The following LLGL1 variants were observed in gnomAD, a reference collection of about 807,000 sequenced individuals.
The protein encoded by LLGL1 is lethal(2) giant larvae protein homolog 1.
LLGL1 carries 58 observed loss-of-function variants against 110.6 expected under a neutral mutation model. That is an observed-to-expected ratio of 0.52 (90% confidence interval 0.42 to 0.65). The LOEUF (loss-of-function observed/expected upper bound fraction) is 0.65. LLGL1 is among the 30% of genes least tolerant of loss of function. The probability of loss-of-function intolerance (pLI) is 0.00; values close to 1 mark genes in which losing one functional copy is unlikely to be tolerated. For synonymous variants in LLGL1, 674 were observed against 607.2 expected (o/e 1.11, Z -1.62); for missense variants, 1,229 against 1,462.1 (o/e 0.84, Z 2.60).
Position 18,238,573 on chromosome 17 carries a change from C to G in LLGL1, c.2170C>G (p.Arg724Gly). ...CGATGACTCCTTGTCGGGTGTCGTG[C>G]GTTGCCTATACTTTGCCGACACATT... is the stretch of plus-strand genomic sequence containing the variant. ...SADDSLSGVVRCLYFADTFLR... is the reference protein window; with the variant it reads ...SADDSLSGVVGCLYFADTFLR... Residue 724 changes from arginine to glycine, a missense_variant, in exon 16 of 23, where the codon CGT (arginine) becomes GGT (glycine). Coordinates refer to ENST00000316843, the MANE Select transcript of LLGL1 (RefSeq NM_004140.4). 6.2e-7 allele frequency: 1 copy of G among 1,612,904 alleles called. No homozygotes were observed. The highest frequency in any genetic ancestry group is 8.5e-7 in the Non-Finnish European group (1 of 1,180,004).
intron 7 of LLGL1, 29 bp from the exon 8 acceptor site, chr17:18,234,620 G>C: frequency 1.2e-6 from 2 of 1,613,260 alleles, no homozygotes; most frequent in Non-Finnish European, 1.7e-6. Context: ...CCACCAGTGA[G>C]TCTGGTCTGA....
intron 21 of LLGL1, 29 bp downstream of exon 21, chr17:18,242,657 G>C (rs2047869002): frequency 1.3e-6 from 2 of 1,586,928 alleles, no homozygotes; most frequent in Non-Finnish European, 1.7e-6. Context: ...TCCACAGGGG[G>C]GGCTGCCCTG....
At chr17:18,238,256 G>A (rs749837753) in intron 15 of LLGL1, 42 bp downstream of exon 15, 3 of 1,605,500 alleles carry the variant, frequency 1.9e-6, no homozygotes, top group Non-Finnish European at 2.5e-6. Flanking sequence ...CCTGTGTCCT[G>A]TGCCTTGGCC....
Position 18,237,600 on chromosome 17 carries a change from C to T in LLGL1, c.1731C>T (p.Arg577=). 6.2e-7 allele frequency: 1 copy of T among 1,610,960 alleles called. No homozygotes were observed. Among genetic ancestry groups the T allele is most frequent in the Non-Finnish European group, 8.5e-7 (1 of 1,179,732 alleles). The change falls in exon 14 of 23, where the codon CGC becomes CGT. Residue 577 remains arginine (R), a synonymous_variant. Coordinates refer to ENST00000316843, the MANE Select transcript of LLGL1 (RefSeq NM_004140.4). The part of the protein sequence containing the change: ...TWKGHERLSP[R]TGPLPWPAGF... Reference sequence around the variant, plus strand: ...AGGGCCACGAGCGGCTGAGCCCACGCACGGGGCCGCTGCCCTGGCCTGCTG... The same window carrying T: ...AGGGCCACGAGCGGCTGAGCCCACGTACGGGGCCGCTGCCCTGGCCTGCTG...
At chr17:18,235,366 A>G (rs2142627174) in intron 10 of LLGL1, 54 bp downstream of exon 10, 1 of 1,604,312 alleles carries the variant, frequency 6.2e-7, no homozygotes, top group Non-Finnish European at 8.5e-7. Context: ...GGAGGGGGAG[A>G]GTTTCAGTTC....
intron 17 of LLGL1, chr17:18,241,153 C>T (rs1379875035): frequency 1.0e-5 from 6 of 586,912 alleles, no homozygotes; most frequent in Non-Finnish European, 1.8e-5. Context: ...CCCCTGAGCC[C>T]AGTCCCCAGG....
chr17:18,235,427 T>G, intron 10 of LLGL1, 43 bp from the exon 11 acceptor site: 1 of 1,612,434 alleles, frequency 6.2e-7, no homozygotes. Flanking sequence ...GGAGAAGATG[T>G]TCGTCCTAAC....
rs761117478 is a variant in LLGL1 at position 18,233,784 on chromosome 17, G to A, written c.399G>A (p.Pro133=). 8.1e-6 allele frequency: 13 copies of A among 1,612,948 alleles called. No individual in the cohort carries two copies. The highest frequency in any genetic ancestry group is 4.0e-5 in the African/African-American group (3 of 74,886). The change falls in exon 5 of 23, where the codon CCG becomes CCA. Residue 133 remains proline (P), a synonymous_variant. Transcript: ENST00000316843. ...SRPGFDGASA[P]LSLTRVTVVL... ...TTCCCCTTGTTCCCTGCAGTGCTCC[G>A]CTCAGCCTTACCCGAGTCACAGTGG...
chr17:18,229,056 TAAC>T (rs1329094952), intron 1 of LLGL1, among the ~76,000 whole-genome samples: 3 of 152,004 alleles, frequency 2.0e-5, no homozygotes, highest in South Asian at 2.1e-4. Context: ...GAAAAATAAA[TAAC>T]AACAACAAGA....
intron 13 of LLGL1, 101 bp from the exon 14 acceptor site, chr17:18,237,380 C>A: frequency 8.3e-7 from 1 of 1,206,430 alleles, no homozygotes; most frequent in Non-Finnish European, 1.1e-6. Flanking sequence ...CTAGAACCAC[C>A]TTGGTGGTGG....
chr17:18,242,109 A>G, intron 19 of LLGL1, 57 bp from the exon 20 acceptor site: 12 of 1,547,666 alleles, frequency 7.8e-6, no homozygotes, highest in South Asian at 1.1e-5. Flanking sequence ...GCAAGGATCT[A>G]GCGTGCCAGC....
At chr17:18,239,133 A>C (rs1010335139) in intron 16 of LLGL1, among the ~76,000 whole-genome samples, 5 of 152,048 alleles carry the variant, frequency 3.3e-5, no homozygotes, top group African/African-American at 7.2e-5. Flanking sequence ...CTGAGCCAGG[A>C]GAAGGGAGGT....
chr17:18,231,743 CT>C (rs1466611661), intron 2 of LLGL1, among the ~76,000 whole-genome samples: 3 of 152,210 alleles, frequency 2.0e-5, no homozygotes, highest in Admixed American at 6.5e-5. Flanking sequence ...TCACTGCAAC[CT>C]TTGCCTCCCG....
At chr17:18,237,165 C>A in intron 13 of LLGL1, 1 of 598,390 alleles carries the variant, frequency 1.7e-6, no homozygotes, top group Non-Finnish European at 3.0e-6. Flanking sequence ...TGTGCTCCGG[C>A]ACTCACATGA....
chr17:18,231,244 C>T (rs1236017741), intron 2 of LLGL1, among the ~76,000 whole-genome samples: 1 of 152,184 alleles, frequency 6.6e-6, no homozygotes, highest in African/African-American at 2.4e-5. Context: ...CTGGAGAGGG[C>T]CAGCCCTGGT....
rs112333954 is a variant in LLGL1 at position 18,236,193 on chromosome 17, G to A, written c.1353-414G>A. On this transcript the variant is annotated intron_variant, in intron 11 of 22. Transcript: ENST00000316843. The stretch of plus-strand genomic sequence containing the variant: ...GTAGTCTTCCTGCTCCTCCACCTAC[G>A]TGGCTGCCTTGGGCCCCATGCAGCT... 810 of 188,514 alleles carry A rather than the reference G, an allele frequency of 4.3e-3. 10 individuals are homozygous for A. The highest frequency in any genetic ancestry group is 6.2e-3 in the Non-Finnish European group (564 of 91,350). 11.7% of individuals were successfully genotyped at this position (188,514 alleles called of 1,614,324 possible).
At chr17:18,236,549 G>A in intron 11 of LLGL1, 58 bp from the exon 12 acceptor site, 1 of 1,528,684 alleles carries the variant, frequency 6.5e-7, no homozygotes, top group Non-Finnish European at 8.9e-7. Flanking sequence ...TGAGTGAATG[G>A]AGGGGCGTGC....
At chr17:18,243,091 ATTTGTTTTGTTTTGT>A (rs144502873) in intron 22 of LLGL1, among the ~76,000 whole-genome samples, 115 of 151,318 alleles carry the variant, frequency 7.6e-4, no homozygotes, top group African/African-American at 2.6e-3. Context: ...ACAAGACCAG[ATTTGTTTTGTTTTGT>A]TTTGTTTTGT....
intron 18 of LLGL1, 78 bp downstream of exon 18, chr17:18,241,793 A>G (rs2047838896): frequency 6.2e-7 from 1 of 1,607,630 alleles, no homozygotes; most frequent in Non-Finnish European, 8.5e-7. Context: ...GGGAGCAGGA[A>G]GGGCACTCCA....
Sources: allele counts gnomAD v4.1 joint callset (sites outside exome capture counted in the v4.1 genomes callset), GRCh38; gene constraint gnomAD v4.1.1; transcripts MANE v1.5; gene names NCBI Gene and HGNC (gene_info 2026-07-23, HGNC 2026-07-21).